The following TNR variants were observed in gnomAD, a reference collection of about 807,000 sequenced individuals.
TNR encodes tenascin R.
A neutral mutation model predicts 150.4 loss-of-function variants in TNR; 45 were observed. The ratio of observed to expected loss-of-function variants is 0.30; its 90% CI spans 0.24 to 0.38. TNR has a LOEUF of 0.38. TNR is among the 10% of genes least tolerant of loss of function. The probability of loss-of-function intolerance (pLI) is 1.00; values close to 1 mark genes in which losing one functional copy is unlikely to be tolerated. For missense variants in TNR, 1,544 were observed against 1,759.1 expected (o/e 0.88, Z 2.19); for synonymous variants, 687 against 678.4 (o/e 1.01, Z -0.20).
chr1:175,646,188 C>A (rs1013884100), intron 1 of TNR, among the ~76,000 whole-genome samples: 1 of 152,204 alleles, frequency 6.6e-6, no homozygotes, highest in African/African-American at 2.4e-5. Flanking sequence ...CTACAAACTT[C>A]CCATCCTATG....
intron 2 of TNR, among the ~76,000 whole-genome samples, chr1:175,517,158 G>A (rs1302802824): frequency 1.3e-5 from 2 of 151,832 alleles, no homozygotes; most frequent in African/African-American, 4.8e-5. Context: ...ATCTTTTCTG[G>A]ACACTTTCCC....
chr1:175,365,998 C>T lies in TNR; in HGVS notation c.2194G>A (p.Val732Ile), dbSNP rs150196273. 3.0e-5 allele frequency: 49 copies of T among 1,614,104 alleles called. No homozygotes were observed. The highest frequency in any genetic ancestry group is 9.3e-5 in the African/African-American group (7 of 75,022). Residue 732 changes from valine to isoleucine, a missense_variant, in exon 11 of 23, where the codon GTA (valine) becomes ATA (isoleucine). By Grantham distance (29) the Val-to-Ile change is conservative (BLOSUM62 3). Transcript: ENST00000367674. ...PSSGIASEVT[V>I]PKDRTSYTLT... ...GTGTATGAGGTCCTGTCCTTGGGTA[C>T]GGTGACTTCTGAGGCAATCCCAGAG...
At chr1:175,579,945 C>A (rs190271670) in intron 1 of TNR, among the ~76,000 whole-genome samples, 1 of 152,204 alleles carries the variant, frequency 6.6e-6, no homozygotes, top group African/African-American at 2.4e-5. Flanking sequence ...GCAACTTAGA[C>A]ACATCAGAGA....
At chr1:175,626,596 G>A (rs768425086) in intron 1 of TNR, among the ~76,000 whole-genome samples, 1 of 152,128 alleles carries the variant, frequency 6.6e-6, no homozygotes, top group Non-Finnish European at 1.5e-5. Flanking sequence ...TGAGAAGAAA[G>A]CAACTGAGAG....
intron 1 of TNR, among the ~76,000 whole-genome samples, chr1:175,546,759 T>C (rs1174870930): frequency 6.6e-6 from 1 of 152,108 alleles, no homozygotes; most frequent in South Asian, 2.1e-4. Flanking sequence ...TCTGGCCTCT[T>C]CAGAAGTCTG....
At chr1:175,621,276 T>C (rs1571685116) in intron 1 of TNR, among the ~76,000 whole-genome samples, 2 of 152,282 alleles carry the variant, frequency 1.3e-5, no homozygotes. Flanking sequence ...GCCAGACTAA[T>C]CTTCCTGATC....
At chr1:175,467,701 C>T (rs896075529) in intron 2 of TNR, among the ~76,000 whole-genome samples, 6 of 152,116 alleles carry the variant, frequency 3.9e-5, no homozygotes, top group African/African-American at 1.4e-4. Context: ...TCACAGGGCA[C>T]AGAGGGCATG....
Position 175,406,470 on chromosome 1 carries a change from C to CT in TNR, c.244_245insA (p.Gly82GlufsTer7). On this transcript the variant is annotated frameshift_variant, in exon 3 of 23. Transcript: ENST00000367674. LOFTEE classifies it high-confidence loss of function. ...CTCCTGCTCAGCAGAGGCCTCTAGCCCTGAGGAGCAGAGGTTGTCCAAGGG... is the reference window on the plus strand; with the variant it reads ...CTCCTGCTCAGCAGAGGCCTCTAGCCTCTGAGGAGCAGAGGTTGTCCAAGGG... The CT allele has an allele frequency of 6.2e-7, 1 of 1,614,172 alleles. No individual in the cohort carries two copies. The highest frequency in any genetic ancestry group is 8.5e-7 in the Non-Finnish European group (1 of 1,180,032).
At chr1:175,631,409 G>A (rs990980660) in intron 1 of TNR, among the ~76,000 whole-genome samples, 21 of 152,092 alleles carry the variant, frequency 1.4e-4, no homozygotes, top group Non-Finnish European at 2.8e-4. Flanking sequence ...GGCCCACATG[G>A]CCCAGGACAG....
chr1:175,448,621 G>A (rs1178449438), intron 2 of TNR, among the ~76,000 whole-genome samples: 2 of 152,192 alleles, frequency 1.3e-5, no homozygotes, highest in East Asian at 1.9e-4. Flanking sequence ...TAGACACTTA[G>A]GTATGCTGGC....
Position 175,391,297 on chromosome 1 carries a change from C to A in TNR, c.1498G>T (p.Val500Phe). The A allele has an allele frequency of 6.2e-7, 1 of 1,613,622 alleles. No homozygotes were observed. Among genetic ancestry groups the A allele is most frequent in the Non-Finnish European group, 8.5e-7 (1 of 1,179,910 alleles). Residue 500 changes from valine (V) to phenylalanine (F), a missense_variant, in exon 7 of 23, where the codon GTC (valine) becomes TTC (phenylalanine). Around this residue, in one of 2 missense-constraint regions of TNR, gnomAD observed 1,254 missense variants for 1,329.4 expected, o/e 0.94. Transcript: ENST00000367674. ...QARSPPTSAS[V>F]STVIDGPTQI... ...GGTTGGAGGCACTCACCTGTGGAGACGCTGGCCGAGGTAGGGGGGCTGCGG... is the reference window on the plus strand; with the variant it reads ...GGTTGGAGGCACTCACCTGTGGAGAAGCTGGCCGAGGTAGGGGGGCTGCGG...
intron 1 of TNR, among the ~76,000 whole-genome samples, chr1:175,689,227 C>T (rs935322460): frequency 2.0e-5 from 3 of 152,230 alleles, no homozygotes; most frequent in Non-Finnish European, 2.9e-5. Flanking sequence ...GGCCACTATG[C>T]AACATCTTGG....
intron 1 of TNR, among the ~76,000 whole-genome samples, chr1:175,613,949 C>T (rs1049331813): frequency 2.6e-5 from 4 of 152,110 alleles, no homozygotes; most frequent in South Asian, 2.1e-4. Flanking sequence ...AATATGAACC[C>T]GGTCAAATCC....
chr1:175,418,002 C>T (rs777106529), intron 2 of TNR, among the ~76,000 whole-genome samples: 4 of 152,140 alleles, frequency 2.6e-5, no homozygotes, highest in Non-Finnish European at 5.9e-5. Context: ...AATAGCACCG[C>T]CCTGACCCAA....
intron 14 of TNR, among the ~76,000 whole-genome samples, chr1:175,360,478 C>G (rs551315728): frequency 6.6e-6 from 1 of 152,326 alleles, no homozygotes; most frequent in Non-Finnish European, 1.5e-5. Flanking sequence ...TCTTCCTAGT[C>G]TTACTTGCCC....
chr1:175,574,380 G>A (rs1423777673), intron 1 of TNR, among the ~76,000 whole-genome samples: 1 of 152,126 alleles, frequency 6.6e-6, no homozygotes, highest in Non-Finnish European at 1.5e-5. Context: ...GAAAAAAGAA[G>A]AAGAGAGAGA....
At chr1:175,553,754 A>AAC (rs764719033) in intron 1 of TNR, among the ~76,000 whole-genome samples, 5 of 151,160 alleles carry the variant, frequency 3.3e-5, no homozygotes, top group South Asian at 2.1e-4. Flanking sequence ...CCCATCTTAA[A>AAC]ACACACACAC....
intron 20 of TNR, among the ~76,000 whole-genome samples, chr1:175,334,361 G>A (rs1420309341): frequency 6.6e-6 from 1 of 152,182 alleles, no homozygotes; most frequent in Non-Finnish European, 1.5e-5. Flanking sequence ...TCCTTTTTCA[G>A]GGACTGAAAC....
chr1:175,393,439 G>A (rs1653271896), intron 6 of TNR, among the ~76,000 whole-genome samples: 1 of 152,170 alleles, frequency 6.6e-6, no homozygotes. Flanking sequence ...CTAAAGAGAA[G>A]CCTCAATTTT....
Sources: allele counts gnomAD v4.1 joint callset (sites outside exome capture counted in the v4.1 genomes callset), GRCh38; gene constraint gnomAD v4.1.1; regional missense constraint gnomAD v4.1.1; transcripts MANE v1.5; gene names NCBI Gene and HGNC (gene_info 2026-07-23, HGNC 2026-07-21).